The following MYCBP2 variants were observed in gnomAD, a reference collection of about 807,000 sequenced individuals.
MYCBP2 encodes E3 ubiquitin-protein ligase MYCBP2.
MYCBP2 carries 120 observed loss-of-function variants against 525.3 expected under a neutral mutation model. The ratio of observed to expected loss-of-function variants is 0.23; its 90% CI spans 0.20 to 0.27. The LOEUF (loss-of-function observed/expected upper bound fraction) is 0.27, where lower values mean the gene tolerates loss of function less well. MYCBP2 is among the 10% of genes least tolerant of loss of function. MYCBP2 has a pLI of 1.00. For synonymous variants in MYCBP2, 1,894 were observed against 1,955.8 expected, an observed-to-expected ratio of 0.97 and a Z score of 0.83; for missense variants, 4,149 against 5,657.1, an observed-to-expected ratio of 0.73 and a Z score of 8.55.
chr13:77,201,255 A>T (rs916968654), intron 26 of MYCBP2, among the ~76,000 whole-genome samples: 3 of 149,860 alleles, frequency 2.0e-5, no homozygotes, highest in African/African-American at 7.4e-5. Flanking sequence ...AGTCTCTGAT[A>T]AAACAGACTT....
At chr13:77,078,250 C>G (rs574231574) in intron 66 of MYCBP2, among the ~76,000 whole-genome samples, 2 of 152,222 alleles carry the variant, frequency 1.3e-5, no homozygotes, top group South Asian at 4.1e-4. Flanking sequence ...AACAAGCAAG[C>G]AAGCAAGCGA....
At chr13:77,065,764 G>A (rs561434063) in intron 72 of MYCBP2, among the ~76,000 whole-genome samples, 1 of 152,124 alleles carries the variant, frequency 6.6e-6, no homozygotes, top group South Asian at 2.1e-4. Flanking sequence ...TTAAAGTCAC[G>A]TAACAATTCC....
At chr13:77,064,564 C>T (rs375755477) in intron 73 of MYCBP2, 51 bp downstream of exon 73, 25 of 1,510,582 alleles carry the variant, frequency 1.7e-5, no homozygotes, top group Admixed American at 4.4e-5. Flanking sequence ...AAAAAGAACA[C>T]GCAATGATAC....
chr13:77,066,719 A>G (rs2040270852), intron 71 of MYCBP2, among the ~76,000 whole-genome samples: 1 of 152,242 alleles, frequency 6.6e-6, no homozygotes, highest in Non-Finnish European at 1.5e-5. Flanking sequence ...GCAGCAATTT[A>G]TATGAGATGA....
chr13:77,292,958 C>CAAAAAAAAAAAAAAAA (rs548135428), intron 2 of MYCBP2, among the ~76,000 whole-genome samples: 3 of 61,270 alleles, frequency 4.9e-5, no homozygotes, highest in Non-Finnish European at 1.0e-4. Flanking sequence ...GACTCCGTCT[C>CAAAAAAAAAAAAAAAA]AAAAAAAAAA....
At chr13:77,203,953 A>C (rs1031361556) in intron 26 of MYCBP2, among the ~76,000 whole-genome samples, 6 of 151,854 alleles carry the variant, frequency 4.0e-5, no homozygotes, top group Non-Finnish European at 7.4e-5. Flanking sequence ...CTAGAAGAAA[A>C]CCTAGGCATT....
At chr13:77,176,415 C>A in intron 36 of MYCBP2, 82 bp downstream of exon 36, 2 of 1,289,278 alleles carry the variant, frequency 1.6e-6, no homozygotes, top group South Asian at 4.8e-5. Context: ...AGGTAACAAA[C>A]AAAATTCATG....
intron 26 of MYCBP2, among the ~76,000 whole-genome samples, chr13:77,199,630 T>A (rs2062215603): frequency 6.6e-6 from 1 of 151,924 alleles, no homozygotes; most frequent in South Asian, 2.1e-4. Context: ...CTCTGCAGAC[T>A]TAAATGTCCC....
intron 26 of MYCBP2, among the ~76,000 whole-genome samples, chr13:77,197,368 C>A (rs986962424): frequency 6.6e-6 from 1 of 151,912 alleles, no homozygotes; most frequent in African/African-American, 2.4e-5. Context: ...GGAGGCCTAT[C>A]AAGAAAAATG....
intron 3 of MYCBP2, among the ~76,000 whole-genome samples, chr13:77,286,937 T>G (rs1215075180): frequency 6.8e-6 from 1 of 148,056 alleles, no homozygotes; most frequent in Non-Finnish European, 1.5e-5. Context: ...CAGGCTGGAG[T>G]GCAGTGGCGC....
At position 77,087,518 on chromosome 13, in the gene MYCBP2, T is replaced by G. The variant is rs2044534226; in HGVS notation, c.10841A>C (p.Glu3614Ala). ...ATTTTCTTTGCTTGTTTTATTTTCT[T>G]CATCCTCTTCTTCCTCTGGTTCCAC... ...APVEPEEEEDEENKTSKENSE... is the reference protein window; with the variant it reads ...APVEPEEEEDAENKTSKENSE... Residue 3614 changes from glutamate to alanine, a missense_variant, in exon 62 of 83, where the codon GAA becomes GCA. Around this residue, in one of 21 missense-constraint regions of MYCBP2, gnomAD observed 509 missense variants for 789.4 expected, o/e 0.64. Coordinates refer to ENST00000544440, the MANE Select transcript of MYCBP2 (RefSeq NM_015057.5). The G allele has an allele frequency of 2.5e-6, 4 of 1,612,866 alleles. No individual in the cohort carries two copies. Among genetic ancestry groups the G allele is most frequent in the Non-Finnish European group, 3.4e-6 (4 of 1,179,360 alleles).
intron 32 of MYCBP2, among the ~76,000 whole-genome samples, chr13:77,183,244 C>T (rs73241437): frequency 0.022 from 3,395 of 152,190 alleles, 58 homozygotes; most frequent in Middle Eastern, 0.075. Context: ...TAAAGCTAAA[C>T]TCATAAAATT....
chr13:77,294,131 C>CATATATATATATATATATATATAT, intron 2 of MYCBP2, among the ~76,000 whole-genome samples: 26 of 65,692 alleles, frequency 4.0e-4, no homozygotes, highest in Non-Finnish European at 6.6e-4. Flanking sequence ...TATATATATA[C>CATATATATATATATATATATATAT]ATATATATAT....
At chr13:77,170,638 G>A (rs1216715644) in intron 38 of MYCBP2, among the ~76,000 whole-genome samples, 15 of 150,470 alleles carry the variant, frequency 1.0e-4, no homozygotes, top group East Asian at 5.9e-4. Flanking sequence ...GTGCAGTGGT[G>A]CGATCTCGGC....
chr13:77,067,531 A>G lies in MYCBP2; in HGVS notation c.12455+50T>C, dbSNP rs1156238598. On this transcript the variant is annotated intron_variant, in intron 71 of 82. Coordinates refer to ENST00000544440, the MANE Select transcript of MYCBP2 (RefSeq NM_015057.5). The stretch of plus-strand genomic sequence containing the variant: ...GAAATTATGTCTTAAATTTCTGAAC[A>G]GTAGCTCACTCTATTCTGTTTTGGT... 7 of 1,566,750 alleles carry G rather than the reference A, an allele frequency of 4.5e-6. No homozygotes were observed. The South Asian group carries it at 8.0e-5, about 18-fold the overall frequency.
chr13:77,234,230 A>G (rs1216369885), intron 17 of MYCBP2, among the ~76,000 whole-genome samples: 1 of 152,018 alleles, frequency 6.6e-6, no homozygotes, highest in Non-Finnish European at 1.5e-5. Context: ...AGTTTTAACA[A>G]CATCAAAAAT....
chr13:77,135,011 T>C (rs1262241153), intron 52 of MYCBP2, among the ~76,000 whole-genome samples: 1 of 152,216 alleles, frequency 6.6e-6, no homozygotes, highest in Non-Finnish European at 1.5e-5. Context: ...CAACATTCAG[T>C]CAGTGTTCAA....
chr13:77,174,219 T>C, intron 37 of MYCBP2, 92 bp downstream of exon 37: 2 of 1,144,832 alleles, frequency 1.7e-6, no homozygotes, highest in Non-Finnish European at 1.3e-6. Context: ...ACAATTTAAT[T>C]ATAAGTATCC....
At chr13:77,138,284 T>C (rs1399407443) in intron 52 of MYCBP2, among the ~76,000 whole-genome samples, 2 of 152,160 alleles carry the variant, frequency 1.3e-5, no homozygotes, top group Non-Finnish European at 1.5e-5. Flanking sequence ...TAAATAGAAA[T>C]AGAAATTCCA....
Sources: allele counts gnomAD v4.1 joint callset (sites outside exome capture counted in the v4.1 genomes callset), GRCh38; gene constraint gnomAD v4.1.1; regional missense constraint gnomAD v4.1.1; transcripts MANE v1.5; gene names NCBI Gene and HGNC (gene_info 2026-07-23, HGNC 2026-07-21).